NALF1: variants seen among roughly 807,000 people sequenced by gnomAD.
The protein encoded by NALF1 is NALCN channel auxiliary factor 1.
In NALF1, 3 loss-of-function variants were observed where a neutral mutation model predicts 48.4. That is an observed-to-expected ratio of 0.06 (90% CI 0.03 to 0.16). The LOEUF is 0.16. Ranked by LOEUF, NALF1 falls within the 10% of genes least tolerant of loss-of-function variation. The probability of loss-of-function intolerance (pLI) is 1.00; values close to 1 mark genes in which losing one functional copy is unlikely to be tolerated. For synonymous variants in NALF1, 262 were observed against 245.7 expected (o/e 1.07, Z -0.62); for missense variants, 526 against 571.5 (o/e 0.92, Z 0.81).
chr13:107,757,999 T>C (rs1877161027), intron 1 of NALF1, among the ~76,000 whole-genome samples: 1 of 152,180 alleles, frequency 6.6e-6, no homozygotes, highest in Admixed American at 6.5e-5. Flanking sequence ...GAGAGACAGA[T>C]TATCTCTTTA....
chr13:107,516,916 A>G (rs1876071902), intron 1 of NALF1, among the ~76,000 whole-genome samples: 1 of 152,180 alleles, frequency 6.6e-6, no homozygotes, highest in Non-Finnish European at 1.5e-5. Flanking sequence ...AAATATCAAC[A>G]TGTTGGAAAA....
chr13:107,588,399 C>T (rs1878515741), intron 1 of NALF1, among the ~76,000 whole-genome samples: 1 of 151,828 alleles, frequency 6.6e-6, no homozygotes, highest in Non-Finnish European at 1.5e-5. Flanking sequence ...ATCTAGAGGC[C>T]CTAAAGGGAG....
chr13:107,305,088 T>TA (rs1281816915), intron 1 of NALF1, among the ~76,000 whole-genome samples: 1 of 152,226 alleles, frequency 6.6e-6, no homozygotes, highest in African/African-American at 2.4e-5. Flanking sequence ...AACTTCTGCT[T>TA]ACTCCTTATA....
chr13:107,486,191 C>T (rs79950490), intron 1 of NALF1, among the ~76,000 whole-genome samples: 158 of 152,254 alleles, frequency 1.0e-3, no homozygotes, highest in Non-Finnish European at 1.9e-3. Flanking sequence ...TCGGTTTCCT[C>T]TTGGCCAAGA....
intron 1 of NALF1, among the ~76,000 whole-genome samples, chr13:107,847,252 TTTGA>T (rs1319084101): frequency 6.6e-6 from 1 of 152,228 alleles, no homozygotes; most frequent in African/African-American, 2.4e-5. Flanking sequence ...AACATTTCTC[TTTGA>T]TTTATTGACA....
chr13:107,824,612 T>C (rs576032127), intron 1 of NALF1, among the ~76,000 whole-genome samples: 1 of 152,316 alleles, frequency 6.6e-6, no homozygotes, highest in South Asian at 2.1e-4. Flanking sequence ...ATTGAGGAAT[T>C]TGAATAACTG....
chr13:107,228,269 T>C (rs1439767304), intron 1 of NALF1, among the ~76,000 whole-genome samples: 7 of 152,324 alleles, frequency 4.6e-5, no homozygotes, highest in Admixed American at 6.5e-5. Flanking sequence ...TATTGCCAAA[T>C]TGACAGTCTA....
chr13:107,458,710 A>G (rs908011414), intron 1 of NALF1, among the ~76,000 whole-genome samples: 1 of 152,218 alleles, frequency 6.6e-6, no homozygotes, highest in African/African-American at 2.4e-5. Context: ...AAACATTTCT[A>G]AAGAGTAGAC....
intron 1 of NALF1, among the ~76,000 whole-genome samples, chr13:107,318,326 G>A (rs924666844): frequency 1.3e-5 from 2 of 151,998 alleles, no homozygotes; most frequent in African/African-American, 4.8e-5. Flanking sequence ...ATTTGTATTC[G>A]TATCTTTTTG....
At chr13:107,615,716 G>C (rs1555635) in intron 1 of NALF1, among the ~76,000 whole-genome samples, 1 of 152,178 alleles carries the variant, frequency 6.6e-6, no homozygotes, top group African/African-American at 2.4e-5. Context: ...TTGATGCTTA[G>C]AAATTATCTT....
At chr13:107,838,969 TC>T (rs1364948570) in intron 1 of NALF1, among the ~76,000 whole-genome samples, 1 of 152,020 alleles carries the variant, frequency 6.6e-6, no homozygotes, top group Non-Finnish European at 1.5e-5. Flanking sequence ...AGCAGGTGCT[TC>T]CCCCTCACCT....
intron 1 of NALF1, among the ~76,000 whole-genome samples, chr13:107,463,699 GT>G (rs1229621826): frequency 6.6e-6 from 1 of 152,198 alleles, no homozygotes; most frequent in Non-Finnish European, 1.5e-5. Flanking sequence ...AAGGACAGGT[GT>G]TTGTGGAGAG....
intron 1 of NALF1, among the ~76,000 whole-genome samples, chr13:107,810,872 C>A (rs1878967274): frequency 6.6e-6 from 1 of 152,150 alleles, no homozygotes; most frequent in African/African-American, 2.4e-5. Flanking sequence ...TCAATCTTCT[C>A]ATTAATCTCT....
At chr13:107,213,076 A>G (rs1879795176) in intron 1 of NALF1, among the ~76,000 whole-genome samples, 1 of 152,060 alleles carries the variant, frequency 6.6e-6, no homozygotes, top group African/African-American at 2.4e-5. Context: ...TCTCTCGCAG[A>G]CGGTGGGGCG....
At chr13:107,268,955 T>A (rs1017220210) in intron 1 of NALF1, among the ~76,000 whole-genome samples, 1 of 152,132 alleles carries the variant, frequency 6.6e-6, no homozygotes, top group Non-Finnish European at 1.5e-5. Context: ...TGTGATTAGA[T>A]GAGTGTTTTT....
chr13:107,654,445 G>T (rs1467281231), intron 1 of NALF1, among the ~76,000 whole-genome samples: 1 of 152,022 alleles, frequency 6.6e-6, no homozygotes, highest in Non-Finnish European at 1.5e-5. Flanking sequence ...GATTAAGCCA[G>T]GAATATATAG....
intron 1 of NALF1, among the ~76,000 whole-genome samples, chr13:107,724,314 TAA>T (rs999980916): frequency 8.6e-5 from 13 of 151,692 alleles, no homozygotes; most frequent in African/African-American, 2.9e-4. Flanking sequence ...CTCATATTGC[TAA>T]AGTTTTACCT....
intron 1 of NALF1, among the ~76,000 whole-genome samples, chr13:107,507,103 A>G (rs1594100441): frequency 6.6e-6 from 1 of 152,262 alleles, no homozygotes; most frequent in Non-Finnish European, 1.5e-5. Flanking sequence ...CTTGTGAAAA[A>G]CACAAGTACT....
chr13:107,349,119 T>C (rs1000737606), intron 1 of NALF1, among the ~76,000 whole-genome samples: 10 of 152,232 alleles, frequency 6.6e-5, no homozygotes, highest in South Asian at 2.1e-4. Context: ...AATTGTGAAA[T>C]AGGATTTCCT....
Sources: allele counts gnomAD v4.1 joint callset (sites outside exome capture counted in the v4.1 genomes callset), GRCh38; gene constraint gnomAD v4.1.1; transcripts MANE v1.5; gene names NCBI Gene and HGNC (gene_info 2026-07-23, HGNC 2026-07-21).